DHRSX: variants seen among roughly 807,000 people sequenced by gnomAD.
DHRSX encodes the protein dehydrogenase/reductase X-linked.
DHRSX carries 31 observed loss-of-function variants against 34.0 expected under a neutral mutation model. That is an observed-to-expected ratio of 0.91 (90% CI 0.69 to 1.23). DHRSX has a LOEUF of 1.23. Ranked by LOEUF, DHRSX falls within the 50% of genes most tolerant of loss-of-function variation. The probability of loss-of-function intolerance (pLI) is 0.00; values close to 1 mark genes in which losing one functional copy is unlikely to be tolerated. For synonymous variants in DHRSX, 201 were observed against 183.8 expected, an observed-to-expected ratio of 1.09 and a Z score of -0.76; for missense variants, 414 against 428.1, an observed-to-expected ratio of 0.97 and a Z score of 0.29.
intron 6 of DHRSX, among the ~76,000 whole-genome samples, chrX:2,233,791 C>A (rs1433789811): frequency 6.6e-6 from 1 of 151,808 alleles, no homozygotes; most frequent in Non-Finnish European, 1.5e-5. Context: ...GAAACACACA[C>A]AAAATAGAAG....
In DHRSX at chrX:2,291,646, C is replaced by T. The variant is rs757472914; in HGVS notation, c.287-43G>A. 4.9e-6 allele frequency: 7 copies of T among 1,423,930 alleles called. 1 individual carries two copies. In the East Asian group the frequency reaches 1.1e-4, roughly 23 times the overall value. The allele number at this position is 1,423,930 out of a possible 1,614,324, so 88.2% of individuals were successfully genotyped here. A position where few individuals can be genotyped will look rare whatever the true frequency, so the allele number is the denominator to read the frequency against. ...CAAAAAATACCTGGTTATCTCCCAA[C>T]CTATTTCAGAGATTAAGAAAATTTC... On this transcript the variant is annotated intron_variant, in intron 3 of 6. Transcript: ENST00000334651.
rs190174481 is a variant in DHRSX, at chrX:2,352,497, C to T, written c.286+56248G>A. ...GCCTGGGAGCTTACGGGTGACTCAG[C>T]TTTGCTTAGTATCACTGCTCACCAT... On this transcript the variant is annotated intron_variant, in intron 3 of 6. Coordinates refer to ENST00000334651, the MANE Select transcript of DHRSX (RefSeq NM_145177.3). 1.8e-4 allele frequency among the ~76,000 whole-genome samples: 27 copies of T among 152,258 alleles called. No individual in the cohort carries two copies. The East Asian group carries it at 4.8e-3, about 27-fold the overall frequency.
chrX:2,425,947 G>A (rs1250334554), intron 1 of DHRSX, among the ~76,000 whole-genome samples: 1 of 152,160 alleles, frequency 6.6e-6, no homozygotes, highest in African/African-American at 2.4e-5. Context: ...AGGCTCTGGG[G>A]CATAGGGGCT....
At chrX:2,458,397 G>C (rs1485969576) in intron 1 of DHRSX, among the ~76,000 whole-genome samples, 4 of 152,250 alleles carry the variant, frequency 2.6e-5, no homozygotes, top group Non-Finnish European at 5.9e-5. Flanking sequence ...GTGCACTGCA[G>C]CACTACTAAT....
At chrX:2,378,669 C>T (rs2043169403) in intron 3 of DHRSX, among the ~76,000 whole-genome samples, 1 of 151,504 alleles carries the variant, frequency 6.6e-6, no homozygotes, top group Non-Finnish European at 1.5e-5. Flanking sequence ...ATTTTTTTCT[C>T]TTGATTAATT....
At chrX:2,346,649 T>TC (rs1312917264) in intron 3 of DHRSX, among the ~76,000 whole-genome samples, 8 of 119,484 alleles carry the variant, frequency 6.7e-5, no homozygotes, top group Non-Finnish European at 1.3e-4. Flanking sequence ...AGTCTGGTTT[T>TC]TTTTTTGTTG....
intron 1 of DHRSX, among the ~76,000 whole-genome samples, chrX:2,485,641 G>A (rs1257114124): frequency 3.6e-5 from 3 of 83,740 alleles, no homozygotes; most frequent in South Asian, 5.3e-4. Context: ...GGAGGAGAGG[G>A]AAGGAGGGAG....
chrX:2,227,290 GGAA>G (rs1490107638), intron 6 of DHRSX, among the ~76,000 whole-genome samples: 1 of 151,590 alleles, frequency 6.6e-6, no homozygotes, highest in East Asian at 1.9e-4. Flanking sequence ...TGAGTGAAAG[GGAA>G]GGAGAAAGAC....
intron 4 of DHRSX, among the ~76,000 whole-genome samples, chrX:2,272,442 G>C (rs746494329): frequency 6.6e-6 from 1 of 152,272 alleles, no homozygotes; most frequent in South Asian, 2.1e-4. Context: ...TTGGGAGCTA[G>C]AGTCTACGCC....
Position 2,266,859 on chromosome X carries a change from G to T in DHRSX, c.477C>A (p.Thr159=). Residue 159 remains threonine (T), a synonymous_variant, in exon 5 of 7, where the codon ACC becomes ACA. Transcript: ENST00000334651. The part of the protein sequence containing the change: ...GLNYLGHFLL[T]NLLLDTLKES... ...CTTTCAGCGTATCCAAGAGAAGGTT[G>T]GTCAGCAGGAAGTGCCCTAGGTAGT... The T allele has an allele frequency of 1.9e-6, 3 of 1,613,940 alleles. No homozygotes were observed. Among genetic ancestry groups the T allele is most frequent in the Non-Finnish European group, 2.5e-6 (3 of 1,179,854 alleles).
intron 3 of DHRSX, among the ~76,000 whole-genome samples, chrX:2,383,971 A>T (rs2043242649): frequency 6.6e-6 from 1 of 152,224 alleles, no homozygotes; most frequent in Admixed American, 6.5e-5. Context: ...AGGTTAAGAC[A>T]ACAGTGTGAC....
chrX:2,241,826 T>G (rs1183378539), intron 6 of DHRSX, among the ~76,000 whole-genome samples: 1 of 152,094 alleles, frequency 6.6e-6, no homozygotes, highest in East Asian at 1.9e-4. Context: ...GAGAATCGCT[T>G]GAACCCAGGA....
In DHRSX at chrX:2,390,818, C is replaced by T. The variant is rs186102218; in HGVS notation, c.286+17927G>A. Among the ~76,000 whole-genome samples the T allele has an allele frequency of 8.5e-5, 13 of 152,276 alleles. No homozygotes were observed. The East Asian group carries it at 2.5e-3, about 29-fold the overall frequency. On this transcript the variant is annotated intron_variant, in intron 3 of 6. Transcript: ENST00000334651. ...ACATTGCAGCATGCATCTGAATATC[C>T]TTCCTTTTTTATGGCTGTGTAATAT...
At chrX:2,243,807 T>TGTTTTTTG (rs1569478899) in intron 5 of DHRSX, among the ~76,000 whole-genome samples, 1 of 97,984 alleles carries the variant, frequency 1.0e-5, no homozygotes, top group African/African-American at 3.7e-5. Context: ...TTTTTTTTTT[T>TGTTTTTTG]TTTTTTTTTT....
At chrX:2,305,598 C>A (rs180751688) in intron 3 of DHRSX, among the ~76,000 whole-genome samples, 184 of 152,138 alleles carry the variant, frequency 1.2e-3, no homozygotes, top group Non-Finnish European at 1.7e-3. Flanking sequence ...CGCAAATGCC[C>A]GTCATTGATA....
intron 3 of DHRSX, among the ~76,000 whole-genome samples, chrX:2,346,040 G>A (rs903973699): frequency 7.2e-5 from 11 of 152,154 alleles, no homozygotes; most frequent in South Asian, 2.1e-4. Flanking sequence ...TCCTTGTTCT[G>A]TAAGAAATTA....
chrX:2,454,274 C>T lies in DHRSX; in HGVS notation c.110-28970G>A, dbSNP rs1157650444. ...GGGCGCTGTGACTCACGCCTGTCAT[C>T]CCAGCACTTTGGGAGGCTGAGGCGG... On this transcript the variant is annotated intron_variant, in intron 1 of 6. Coordinates refer to ENST00000334651, the MANE Select transcript of DHRSX (RefSeq NM_145177.3). 3.9e-5 allele frequency among the ~76,000 whole-genome samples: 6 copies of T among 152,232 alleles called. No individual in the cohort carries two copies. The South Asian group carries it at 1.0e-3, about 26-fold the overall frequency.
At chrX:2,285,769 C>T (rs2041797838) in intron 4 of DHRSX, among the ~76,000 whole-genome samples, 1 of 152,124 alleles carries the variant, frequency 6.6e-6, no homozygotes, top group Non-Finnish European at 1.5e-5. Flanking sequence ...CAGCAATATC[C>T]CAAACATACA....
intron 3 of DHRSX, chrX:2,336,319 T>G (rs751788835): frequency 1.3e-5 from 2 of 152,202 alleles, no homozygotes; most frequent in East Asian, 3.9e-4. Context: ...CAGTAGTGAG[T>G]CTTAGTCACT....
Sources: gnomAD v4.1 joint callset for allele counts (sites outside exome capture counted in the v4.1 genomes callset) on GRCh38, gnomAD v4.1.1 for gene constraint, MANE v1.5 for transcripts, NCBI Gene and HGNC (gene_info 2026-07-23, HGNC 2026-07-21) for gene names.